The following NSD1 variants were observed in gnomAD, a reference collection of about 807,000 sequenced individuals.
NSD1 encodes the protein nuclear receptor binding SET domain protein 1, also known as histone-lysine N-methyltransferase, H3 lysine-36 specific.
A neutral mutation model predicts 242.7 loss-of-function variants in NSD1; 26 were observed. That is an observed-to-expected ratio of 0.11 (90% confidence interval 0.08 to 0.15). The LOEUF is 0.15. NSD1 is among the 10% of genes least tolerant of loss of function. The pLI is 1.00. For missense variants in NSD1, 2,495 were observed against 3,272.8 expected (o/e 0.76, Z 5.80); for synonymous variants, 1,106 against 1,178.1 (o/e 0.94, Z 1.25).
chr5:177,174,944 C>T (rs1169809989), intron 2 of NSD1, among the ~76,000 whole-genome samples: 5 of 141,800 alleles, frequency 3.5e-5, no homozygotes, highest in African/African-American at 1.3e-4. Flanking sequence ...CTATCTTGGC[C>T]CACTGCAAGC....
rs766962429 is a variant in NSD1 at position 177,210,490 on chromosome 5, A to G, written c.2091A>G (p.Lys697=). The change falls in exon 5 of 23, where the codon AAA becomes AAG. Residue 697 remains lysine (K), a synonymous_variant. Transcript: ENST00000439151. ...TTGCTGCCACAAACACTAGGGTAAA[A>G]GCAAAACAGAAGCCTCTCATTAGTA... The part of the protein sequence containing the change: ...SRFAATNTRV[K]AKQKPLISNS... 16 of 1,614,092 alleles carry G rather than the reference A, an allele frequency of 9.9e-6. No individual in the cohort carries two copies. The highest frequency in any genetic ancestry group is 1.6e-4 in the Middle Eastern group (1 of 6,084).
chr5:177,298,396 AC>A lies in NSD1; in HGVS notation c.*2938del, dbSNP rs1383569859. 2 of 233,200 alleles carry A rather than the reference AC, an allele frequency of 8.6e-6. No individual in the cohort carries two copies. The highest frequency in any genetic ancestry group is 1.1e-4 in the Admixed American group (2 of 17,788). 14.4% of individuals were successfully genotyped at this position (233,200 alleles called of 1,614,324 possible). ...CTCCATGGGTAGCTAGAAAGCCAAT[AC>A]ATCTAGCCCTGCTAAGTCAGAAAAA... is the stretch of plus-strand genomic sequence containing the variant. On this transcript the variant is annotated 3_prime_UTR_variant, in exon 23 of 23. Transcript: ENST00000439151.
At position 177,288,919 on chromosome 5, in the gene NSD1, G is replaced by A; in HGVS notation, c.6252G>A (p.Arg2084=). Residue 2084 remains arginine (R), a synonymous_variant, in exon 21 of 23, where the codon AGG becomes AGA. Coordinates refer to ENST00000439151, the MANE Select transcript of NSD1 (RefSeq NM_022455.5). The part of the protein sequence containing the change: ...APNCSGFLGV[R]PKNQPIATEE... ...ACTGCAGTGGCTTCTTGGGTGTAAG[G>A]CCAAAGGTACCACCCTTCTAGACTT... 1 of 1,612,506 alleles carries A rather than the reference G, an allele frequency of 6.2e-7. No individual in the cohort carries two copies.
intron 2 of NSD1, among the ~76,000 whole-genome samples, chr5:177,162,643 A>G (rs907644320): frequency 2.0e-5 from 3 of 152,082 alleles, no homozygotes; most frequent in African/African-American, 4.8e-5. Context: ...TGGCCTCCCA[A>G]AGTGCTGGGA....
chr5:177,214,852 A>C (rs534059669), intron 5 of NSD1, among the ~76,000 whole-genome samples: 4 of 151,816 alleles, frequency 2.6e-5, no homozygotes, highest in African/African-American at 9.7e-5. Context: ...GGCACATGCC[A>C]CCATGCCTGG....
intron 5 of NSD1, among the ~76,000 whole-genome samples, chr5:177,213,115 T>C (rs1763488928): frequency 6.6e-6 from 1 of 152,300 alleles, no homozygotes; most frequent in African/African-American, 2.4e-5. Context: ...AGTACCCAAG[T>C]GTTGTACCTA....
At chr5:177,227,539 C>T (rs750981552) in intron 5 of NSD1, among the ~76,000 whole-genome samples, 25 of 152,122 alleles carry the variant, frequency 1.6e-4, no homozygotes, top group South Asian at 4.2e-4. Context: ...CTCCGCCTCC[C>T]GGGTTCAAGC....
At chr5:177,265,048 T>G (rs975872414) in intron 14 of NSD1, 4 of 758,878 alleles carry the variant, frequency 5.3e-6, no homozygotes, top group Admixed American at 1.7e-5. Flanking sequence ...TTGAGCACAT[T>G]AAGCACTCCT....
Position 177,210,275 on chromosome 5 carries a change from G to A in NSD1, c.1876G>A (p.Ala626Thr), listed in dbSNP as rs1291474450. The change falls in exon 5 of 23, where the codon GCA becomes ACA. Residue 626 changes from alanine (A) to threonine (T), a missense_variant. Ala to Thr is a moderately conservative substitution (Grantham distance 58). Transcript: ENST00000439151. ...AAAAGTGAAGCTCTGCTATATTGGAGCAGGTGATGAGGAAAAGCGAAGTGA... is the reference window on the plus strand; with the variant it reads ...AAAAGTGAAGCTCTGCTATATTGGAACAGGTGATGAGGAAAAGCGAAGTGA... The part of the protein sequence containing the change: ...GSKVKLCYIG[A>T]GDEEKRSDSI... 2 of 1,608,308 alleles carry A rather than the reference G, an allele frequency of 1.2e-6. No homozygotes were observed. Among genetic ancestry groups the A allele is most frequent in the Non-Finnish European group, 1.7e-6 (2 of 1,176,812 alleles).
At chr5:177,148,119 GT>G (rs34316882) in intron 2 of NSD1, among the ~76,000 whole-genome samples, 20,319 of 147,218 alleles carry the variant, frequency 0.14, 1,846 homozygotes, top group East Asian at 0.51. Flanking sequence ...GGCATGTTAA[GT>G]TTTTTTTTTT....
intron 3 of NSD1, among the ~76,000 whole-genome samples, chr5:177,193,038 C>T (rs1019111065): frequency 1.3e-5 from 2 of 151,898 alleles, no homozygotes; most frequent in Non-Finnish European, 2.9e-5. Flanking sequence ...GGAGTATTTC[C>T]TTTAAATGCT....
chr5:177,270,020 CT>C (rs1182545582), intron 16 of NSD1, among the ~76,000 whole-genome samples: 5 of 151,870 alleles, frequency 3.3e-5, no homozygotes, highest in South Asian at 2.1e-4. Context: ...TTTCCTTGAG[CT>C]TTTTTTTGAC....
intron 3 of NSD1, 36 bp from the exon 4 acceptor site, chr5:177,204,084 T>C: frequency 6.3e-7 from 1 of 1,597,906 alleles, no homozygotes; most frequent in Non-Finnish European, 8.6e-7. Flanking sequence ...GTAATTTCTT[T>C]GATCTAATGA....
Position 177,294,596 on chromosome 5 carries a change from C to T in NSD1, c.7228C>T (p.Pro2410Ser). 6.2e-7 allele frequency: 1 copy of T among 1,614,234 alleles called. No homozygotes were observed. The highest frequency in any genetic ancestry group is 8.5e-7 in the Non-Finnish European group (1 of 1,180,042). Reference protein sequence around the residue: ...PQTSDRPTDKPHASLSQRLPP... With the variant: ...PQTSDRPTDKSHASLSQRLPP... ...GACTTCAGACAGGCCTACTGACAAA[C>T]CCCATGCCTCTTTGTCCCAGAGACT... The change falls in exon 23 of 23, where the codon CCC (proline) becomes TCC (serine). Residue 2410 changes from proline (P) to serine (S), a missense_variant. This residue lies in a region of NSD1 where 475 missense variants were observed against 563.7 expected (regional missense o/e 0.84). Coordinates refer to ENST00000439151, the MANE Select transcript of NSD1 (RefSeq NM_022455.5).
intron 5 of NSD1, among the ~76,000 whole-genome samples, chr5:177,233,105 C>T (rs1765181290): frequency 6.6e-6 from 1 of 152,172 alleles, no homozygotes; most frequent in South Asian, 2.1e-4. Flanking sequence ...GAGATAGTCT[C>T]GCCCTGTTGT....
intron 2 of NSD1, among the ~76,000 whole-genome samples, chr5:177,161,889 G>C (rs540791328): frequency 9.2e-5 from 14 of 152,150 alleles, no homozygotes; most frequent in Non-Finnish European, 2.1e-4. Context: ...GGTTTCAACA[G>C]ATCCACCTGC....
chr5:177,174,815 G>A (rs1403177572), intron 2 of NSD1, among the ~76,000 whole-genome samples: 2 of 149,670 alleles, frequency 1.3e-5, no homozygotes, highest in African/African-American at 2.5e-5. Context: ...TGCCCACCTC[G>A]GCCTCCCAAA....
At chr5:177,216,294 C>G (rs1480034569) in intron 5 of NSD1, among the ~76,000 whole-genome samples, 1 of 152,200 alleles carries the variant, frequency 6.6e-6, no homozygotes, top group East Asian at 1.9e-4. Flanking sequence ...TGCCTTTTCA[C>G]TCTGTTGACT....
intron 4 of NSD1, among the ~76,000 whole-genome samples, chr5:177,207,840 A>G (rs1763016004): frequency 6.6e-6 from 1 of 151,832 alleles, no homozygotes; most frequent in Non-Finnish European, 1.5e-5. Context: ...CCTCCTGGGC[A>G]CAAATGATCC....
Sources: allele counts gnomAD v4.1 joint callset (sites outside exome capture counted in the v4.1 genomes callset), GRCh38; gene constraint gnomAD v4.1.1; regional missense constraint gnomAD v4.1.1; transcripts MANE v1.5; gene names NCBI Gene and HGNC (gene_info 2026-07-23, HGNC 2026-07-21).